ANK2: variants seen among roughly 807,000 people sequenced by gnomAD.
ANK2 encodes the protein ankyrin-2.
ANK2 carries 83 observed loss-of-function variants against 360.5 expected under a neutral mutation model. The observed-to-expected ratio is 0.23, with a 90% confidence interval of 0.19 to 0.28. The LOEUF (loss-of-function observed/expected upper bound fraction) is 0.28. Ranked by LOEUF, ANK2 falls within the 10% of genes least tolerant of loss-of-function variation. ANK2 has a pLI of 1.00. For missense variants in ANK2, 4,201 were observed against 4,795.7 expected, an observed-to-expected ratio of 0.88 and a Z score of 3.66; for synonymous variants, 1,740 against 1,759.5, an observed-to-expected ratio of 0.99 and a Z score of 0.28.
the ANK2 span, among the ~76,000 whole-genome samples, chr4:112,786,437 G>T: frequency 3.6e-5 from 5 of 140,512 alleles, no homozygotes; most frequent in Admixed American, 7.6e-5. Flanking sequence ...TTGCTTTGTC[G>T]CCCAGGCTGG....
chr4:113,115,347 C>T (rs1437873649), intron 1 of ANK2, among the ~76,000 whole-genome samples: 1 of 152,084 alleles, frequency 6.6e-6, no homozygotes, highest in African/African-American at 2.4e-5. Flanking sequence ...TTTTTTGGAA[C>T]ATGAATTTTC....
chr4:113,066,965 G>T (rs2075840026), intron 1 of ANK2, among the ~76,000 whole-genome samples: 1 of 151,958 alleles, frequency 6.6e-6, no homozygotes, highest in Non-Finnish European at 1.5e-5. Flanking sequence ...AGCATTATGT[G>T]AGTGTTTTGT....
chr4:113,273,879 A>C (rs2059347864), intron 14 of ANK2, among the ~76,000 whole-genome samples: 1 of 152,190 alleles, frequency 6.6e-6, no homozygotes, highest in African/African-American at 2.4e-5. Context: ...TTCTGGATGC[A>C]AGTTCCAGAA....
At chr4:112,707,105 A>T in the ANK2 span, among the ~76,000 whole-genome samples, 3 of 152,294 alleles carry the variant, frequency 2.0e-5, no homozygotes, top group African/African-American at 7.2e-5. Context: ...AAACCTCTTT[A>T]CCGAAGAGAA....
intron 15 of ANK2, among the ~76,000 whole-genome samples, chr4:113,275,450 T>G (rs1417590912): frequency 1.3e-5 from 2 of 152,204 alleles, no homozygotes; most frequent in Non-Finnish European, 2.9e-5. Flanking sequence ...TGATTCAGAT[T>G]AATGAAAGGA....
chr4:113,076,214 G>C (rs1343204106), intron 1 of ANK2, among the ~76,000 whole-genome samples: 3 of 152,202 alleles, frequency 2.0e-5, no homozygotes, highest in African/African-American at 7.2e-5. Context: ...TAAAAGTACT[G>C]CAAAAAAATC....
chr4:113,078,116 A>G (rs2080874900), intron 1 of ANK2, among the ~76,000 whole-genome samples: 1 of 152,184 alleles, frequency 6.6e-6, no homozygotes. Context: ...TTGTTAGGTG[A>G]TCGTGTTCCC....
chr4:112,740,067 C>A, the ANK2 span, among the ~76,000 whole-genome samples: 2 of 151,796 alleles, frequency 1.3e-5, no homozygotes, highest in Non-Finnish European at 2.9e-5. Context: ...AACCTATTTC[C>A]ATTTCCAAAT....
chr4:112,724,044 A>T, the ANK2 span, among the ~76,000 whole-genome samples: 1 of 151,940 alleles, frequency 6.6e-6, no homozygotes, highest in African/African-American at 2.4e-5. Flanking sequence ...TTTGAGTACT[A>T]ATGCTAATAC....
chr4:113,320,258 TC>T (rs766362400), intron 26 of ANK2, among the ~76,000 whole-genome samples: 22 of 152,298 alleles, frequency 1.4e-4, no homozygotes, highest in Non-Finnish European at 2.4e-4. Context: ...AAATTCATAG[TC>T]TTTAATAAAA....
At chr4:113,042,343 G>C (rs934739107) in intron 2 of ANK2, among the ~76,000 whole-genome samples, 21 of 152,212 alleles carry the variant, frequency 1.4e-4, no homozygotes, top group African/African-American at 4.8e-4. Context: ...AAGCTTTCTT[G>C]GTTCTCCAGC....
the ANK2 span, among the ~76,000 whole-genome samples, chr4:112,752,258 T>C: frequency 2.0e-5 from 3 of 152,256 alleles, no homozygotes; most frequent in African/African-American, 7.2e-5. Flanking sequence ...CCTTGAGAGA[T>C]GTGAGTAGAT....
chr4:113,182,789 C>T (rs1034956744), intron 2 of ANK2, among the ~76,000 whole-genome samples: 46 of 151,856 alleles, frequency 3.0e-4, no homozygotes, highest in African/African-American at 1.0e-3. Flanking sequence ...CAATGGATGA[C>T]GGGCAGACCA....
chr4:113,196,166 ATACTTACCT>A (rs2098744438), intron 2 of ANK2, among the ~76,000 whole-genome samples, 193 bp from the exon 3 acceptor site: 1 of 152,252 alleles, frequency 6.6e-6, no homozygotes, highest in South Asian at 2.1e-4. Flanking sequence ...TTTCTAATGA[ATACTTACCT>A]TATTGCCTCT....
chr4:113,290,938 T>C (rs886550111), intron 20 of ANK2, among the ~76,000 whole-genome samples: 3 of 152,178 alleles, frequency 2.0e-5, no homozygotes, highest in African/African-American at 7.2e-5. Context: ...CTGGCAAATA[T>C]CCTCACTGGG....
the ANK2 span, among the ~76,000 whole-genome samples, chr4:112,795,678 T>G: frequency 6.6e-6 from 1 of 151,998 alleles, no homozygotes; most frequent in Non-Finnish European, 1.5e-5. Context: ...TAATTTTTGT[T>G]TTTTTAGTAG....
chr4:113,240,191 C>T (rs904774862), intron 7 of ANK2, among the ~76,000 whole-genome samples: 2 of 151,910 alleles, frequency 1.3e-5, no homozygotes, highest in Non-Finnish European at 2.9e-5. Flanking sequence ...ATATGCAAAA[C>T]CAACTTAAGA....
chr4:113,274,751 C>A (rs1345742070), intron 15 of ANK2, 102 bp downstream of exon 15: 4 of 1,230,118 alleles, frequency 3.3e-6, no homozygotes, highest in Non-Finnish European at 4.7e-6. Context: ...TCTCCTCAGG[C>A]CTTGACTTAC....
At chr4:113,221,395 C>G (rs1295431332) in intron 4 of ANK2, among the ~76,000 whole-genome samples, 1 of 152,096 alleles carries the variant, frequency 6.6e-6, no homozygotes, top group Non-Finnish European at 1.5e-5. Context: ...CGCGGTGGCT[C>G]ACATCTGCAA....
Sources: gnomAD v4.1 joint callset for allele counts (sites outside exome capture counted in the v4.1 genomes callset) on GRCh38, gnomAD v4.1.1 for gene constraint, MANE v1.5 for transcripts, NCBI Gene and HGNC (gene_info 2026-07-23, HGNC 2026-07-21) for gene names.